Variants in CNTN5 observed in about 807,000 individuals in gnomAD.
The protein encoded by CNTN5 is contactin-5.
CNTN5 carries 77 observed loss-of-function variants against 129.1 expected under a neutral mutation model. The ratio of observed to expected loss-of-function variants is 0.60; its 90% CI spans 0.50 to 0.72. CNTN5 has a LOEUF of 0.72. CNTN5 is among the 30% of genes least tolerant of loss of function. CNTN5 has a pLI of 0.00. For synonymous variants in CNTN5, 509 were observed against 465.6 expected (o/e 1.09, Z -1.20); for missense variants, 1,478 against 1,328.8 (o/e 1.11, Z -1.75).
At chr11:99,824,501 G>A (rs1331350775) in intron 4 of CNTN5, among the ~76,000 whole-genome samples, 2 of 151,862 alleles carry the variant, frequency 1.3e-5, no homozygotes, top group East Asian at 3.8e-4. Flanking sequence ...GTTGGTCACT[G>A]GTTAAATGCA....
At chr11:99,318,488 A>C (rs1455015547) in intron 1 of CNTN5, among the ~76,000 whole-genome samples, 1 of 152,148 alleles carries the variant, frequency 6.6e-6, no homozygotes, top group Non-Finnish European at 1.5e-5. Context: ...AATAAAGATA[A>C]ATTGATTTAA....
chr11:100,010,841 A>G (rs116612259), intron 9 of CNTN5, among the ~76,000 whole-genome samples: 1,739 of 152,012 alleles, frequency 0.011, 32 homozygotes, highest in African/African-American at 0.038. Context: ...CTGCCCCACA[A>G]TCCTATTCAG....
intron 2 of CNTN5, among the ~76,000 whole-genome samples, chr11:99,499,072 A>G (rs1225135399): frequency 1.3e-5 from 2 of 152,140 alleles, no homozygotes; most frequent in Non-Finnish European, 2.9e-5. Flanking sequence ...CTCAATCAAA[A>G]GCATTTTATC....
At position 100,348,870 on chromosome 11, in the gene CNTN5, G is replaced by A. The variant is rs1229432566; in HGVS notation, c.3031-1832G>A. ...GCTGCAGTGCATATCACACTTCTTT[G>A]CATTGTCTGTCTGTCTTCAATATTA... is the stretch of plus-strand genomic sequence containing the variant. On this transcript the variant is annotated intron_variant, in intron 23 of 24. Coordinates refer to ENST00000524871, the MANE Select transcript of CNTN5 (RefSeq NM_014361.4). Among the ~76,000 whole-genome samples, 3 of 151,922 alleles carry A rather than the reference G, an allele frequency of 2.0e-5. No individual in the cohort carries two copies. In the East Asian group the frequency reaches 5.8e-4, roughly 29 times the overall value.
chr11:99,518,793 C>G (rs1338101775), intron 2 of CNTN5, among the ~76,000 whole-genome samples: 1 of 151,796 alleles, frequency 6.6e-6, no homozygotes, highest in Admixed American at 6.6e-5. Context: ...ATAATTATGC[C>G]CATATAATGT....
intron 8 of CNTN5, among the ~76,000 whole-genome samples, chr11:99,969,227 AT>A (rs1391055418): frequency 1.3e-5 from 2 of 152,174 alleles, no homozygotes; most frequent in Non-Finnish European, 2.9e-5. Context: ...GTGGTAACAA[AT>A]AACAAGATGA....
At chr11:99,810,695 T>G (rs1192063630) in intron 3 of CNTN5, among the ~76,000 whole-genome samples, 1 of 152,124 alleles carries the variant, frequency 6.6e-6, no homozygotes, top group African/African-American at 2.4e-5. Flanking sequence ...GCTGAGGTGT[T>G]TCATCCATCC....
At chr11:100,283,849 G>A (rs1283869486) in intron 18 of CNTN5, among the ~76,000 whole-genome samples, 1 of 152,086 alleles carries the variant, frequency 6.6e-6, no homozygotes, top group African/African-American at 2.4e-5. Context: ...GAGAGGCTGA[G>A]GCACAAGAAT....
At chr11:99,759,669 G>T (rs1238848856) in intron 3 of CNTN5, among the ~76,000 whole-genome samples, 2 of 137,348 alleles carry the variant, frequency 1.5e-5, no homozygotes, top group African/African-American at 5.3e-5. Flanking sequence ...CCGGTAGTCA[G>T]ACTAAGAAAG....
At position 100,161,864 on chromosome 11, in the gene CNTN5, CACACACACAA is replaced by C. The variant is rs1287962938; in HGVS notation, c.1581-29260_1581-29251del. Among the ~76,000 whole-genome samples, 11 of 126,522 alleles carry C rather than the reference CACACACACAA, an allele frequency of 8.7e-5. 1 individual carries two copies. The highest frequency in any genetic ancestry group is 2.4e-4 in the African/African-American group (9 of 37,270). 83.0% of individuals were successfully genotyped at this position (126,522 alleles called of 152,430 possible). A position where few individuals can be genotyped will look rare whatever the true frequency, so the allele number is the denominator to read the frequency against. ...ACACACACACACACACACACACACA[CACACACACAA>C]AACAAAAAACAAAAAACAAAAAACA... On this transcript the variant is annotated intron_variant, in intron 13 of 24. Transcript: ENST00000524871.
intron 2 of CNTN5, among the ~76,000 whole-genome samples, chr11:99,409,736 G>A (rs896309805): frequency 6.6e-6 from 1 of 152,150 alleles, no homozygotes; most frequent in African/African-American, 2.4e-5. Flanking sequence ...TTGCTTAGAG[G>A]TCATTGCAGC....
At chr11:100,047,759 A>C (rs1351972585) in intron 9 of CNTN5, among the ~76,000 whole-genome samples, 1 of 152,160 alleles carries the variant, frequency 6.6e-6, no homozygotes, top group African/African-American at 2.4e-5. Flanking sequence ...TTGAATCAGT[A>C]GATTGAGTAA....
chr11:100,281,225 C>A (rs1247636670), intron 18 of CNTN5, among the ~76,000 whole-genome samples: 2 of 152,162 alleles, frequency 1.3e-5, no homozygotes, highest in Middle Eastern at 3.4e-3. Context: ...CATTAATGTC[C>A]TTTTCTTTCT....
intron 3 of CNTN5, among the ~76,000 whole-genome samples, chr11:99,663,863 C>A (rs584931): frequency 0.46 from 69,280 of 151,954 alleles, 16,591 homozygotes; most frequent in Middle Eastern, 0.59. Context: ...TTTATAGCAG[C>A]GTGAGAAGGG....
At chr11:99,652,375 A>T (rs1045310429) in intron 3 of CNTN5, among the ~76,000 whole-genome samples, 1 of 152,068 alleles carries the variant, frequency 6.6e-6, no homozygotes, top group Non-Finnish European at 1.5e-5. Flanking sequence ...CATCATCTAT[A>T]CTATCTATAC....
chr11:99,166,723 T>A (rs1347672351), intron 1 of CNTN5, among the ~76,000 whole-genome samples: 1 of 152,008 alleles, frequency 6.6e-6, no homozygotes, highest in Non-Finnish European at 1.5e-5. Context: ...ATGCTTGTCA[T>A]ATTTACAGTG....
chr11:99,226,754 T>C (rs904677343), intron 1 of CNTN5, among the ~76,000 whole-genome samples: 3 of 152,222 alleles, frequency 2.0e-5, no homozygotes, highest in African/African-American at 4.8e-5. Flanking sequence ...CTACTCACTT[T>C]CTGTTTCTTA....
chr11:100,169,725 C>G (rs1048663392), intron 13 of CNTN5, among the ~76,000 whole-genome samples: 2 of 152,010 alleles, frequency 1.3e-5, no homozygotes, highest in Non-Finnish European at 2.9e-5. Context: ...TGGTTTGCAA[C>G]TAAATCCGCA....
At chr11:99,299,104 T>C (rs1864512811) in intron 1 of CNTN5, among the ~76,000 whole-genome samples, 1 of 152,092 alleles carries the variant, frequency 6.6e-6, no homozygotes, top group Middle Eastern at 3.4e-3. Context: ...ACATTTTCGA[T>C]AACAACATAA....
Sources: gnomAD v4.1 joint callset for allele counts (sites outside exome capture counted in the v4.1 genomes callset) on GRCh38, gnomAD v4.1.1 for gene constraint, MANE v1.5 for transcripts, NCBI Gene and HGNC (gene_info 2026-07-23, HGNC 2026-07-21) for gene names.